RNLS: variants seen among roughly 807,000 people sequenced by gnomAD.
RNLS encodes the protein renalase.
Under a neutral mutation model 39.8 loss-of-function variants are expected in RNLS, and 39 were observed. That is an observed-to-expected ratio of 0.98 (90% CI 0.76 to 1.28). RNLS has a LOEUF of 1.28. RNLS is among the 50% of genes most tolerant of loss of function. RNLS has a pLI of 0.00. For missense variants in RNLS, 410 were observed against 413.3 expected (o/e 0.99, Z 0.07); for synonymous variants, 147 against 150.7 (o/e 0.98, Z 0.18).
At chr10:88,446,092 A>G (rs529124322) in intron 4 of RNLS, among the ~76,000 whole-genome samples, 1 of 152,298 alleles carries the variant, frequency 6.6e-6, no homozygotes, top group African/African-American at 2.4e-5. Context: ...GATGTAAAAG[A>G]ACAGAAATTA....
the RNLS span, among the ~76,000 whole-genome samples, chr10:88,172,125 C>T: frequency 6.6e-6 from 1 of 152,126 alleles, no homozygotes; most frequent in African/African-American, 2.4e-5. Flanking sequence ...AATAATACTG[C>T]AATAAACATG....
At chr10:88,467,968 A>G (rs1482289265) in intron 4 of RNLS, among the ~76,000 whole-genome samples, 1 of 152,208 alleles carries the variant, frequency 6.6e-6, no homozygotes, top group Non-Finnish European at 1.5e-5. Context: ...CAGCCATTCC[A>G]AACAATTTCC....
the RNLS span, among the ~76,000 whole-genome samples, chr10:88,232,492 G>T: frequency 1.3e-5 from 2 of 151,890 alleles, no homozygotes; most frequent in African/African-American, 4.8e-5. Context: ...TGCTTCCCAG[G>T]CTGAACTCCA....
At chr10:88,287,763 T>TA (rs2132635202) in intron 6 of RNLS, among the ~76,000 whole-genome samples, 1 of 152,096 alleles carries the variant, frequency 6.6e-6, no homozygotes, top group East Asian at 1.9e-4. Flanking sequence ...GTCAAACACT[T>TA]ACAAAACCAT....
chr10:88,307,384 C>T (rs998672671), intron 6 of RNLS, among the ~76,000 whole-genome samples: 1 of 152,162 alleles, frequency 6.6e-6, no homozygotes, highest in Non-Finnish European at 1.5e-5. Context: ...AGTTGAACTA[C>T]CCTGTTTGTA....
chr10:88,178,806 G>C, the RNLS span, among the ~76,000 whole-genome samples: 1 of 152,204 alleles, frequency 6.6e-6, no homozygotes, highest in Admixed American at 6.5e-5. Context: ...TTCCACTGGA[G>C]ATCTTATCAG....
intron 4 of RNLS, among the ~76,000 whole-genome samples, chr10:88,460,175 GC>G: frequency 6.6e-6 from 1 of 152,254 alleles, no homozygotes; most frequent in East Asian, 1.9e-4. Context: ...CTGTGGCCAT[GC>G]AAGATGCTAG....
intron 4 of RNLS, among the ~76,000 whole-genome samples, chr10:88,368,780 C>T (rs1850315971): frequency 6.6e-6 from 1 of 151,806 alleles, no homozygotes; most frequent in South Asian, 2.1e-4. Context: ...AGATTTTTAT[C>T]TATGTTTCTA....
rs143889541 is a variant in RNLS, at chr10:88,294,936, T to G, written c.877-9430A>C. Among the ~76,000 whole-genome samples, 733 of 151,366 alleles carry G rather than the reference T, an allele frequency of 4.8e-3. 7 individuals are homozygous for G. The highest frequency in any genetic ancestry group is 8.6e-3 in the Non-Finnish European group (580 of 67,756). Reference sequence around the variant, plus strand: ...AAATTTTGCTTTTCCGCCCCCACCCTCCAAATAACCATGCTATTAACCACC... The same window carrying G: ...AAATTTTGCTTTTCCGCCCCCACCCGCCAAATAACCATGCTATTAACCACC... On this transcript the variant is annotated intron_variant, in intron 6 of 6. Coordinates refer to ENST00000331772, the MANE Select transcript of RNLS (RefSeq NM_001031709.3).
At chr10:88,330,153 C>T (rs567201383) in intron 5 of RNLS, among the ~76,000 whole-genome samples, 1 of 148,538 alleles carries the variant, frequency 6.7e-6, no homozygotes, top group South Asian at 2.1e-4. Context: ...TATTATCTCT[C>T]TCTATATATA....
At chr10:88,231,942 C>CTGTGTGTGTGTG in the RNLS span, among the ~76,000 whole-genome samples, 1,037 of 149,756 alleles carry the variant, frequency 6.9e-3, 9 homozygotes, top group African/African-American at 0.018. Context: ...CACAGGATTT[C>CTGTGTGTGTGTG]TGTGTGTGTG....
intron 6 of RNLS, among the ~76,000 whole-genome samples, chr10:88,297,909 C>G (rs1388163763): frequency 6.6e-6 from 1 of 152,178 alleles, no homozygotes; most frequent in Non-Finnish European, 1.5e-5. Context: ...AACCACCAAG[C>G]TGTTTTCCAC....
Position 88,362,798 on chromosome 10 carries a change from T to A in RNLS, c.527-73A>T, listed in dbSNP as rs3740280. The A allele has an allele frequency of 4.2e-6, 6 of 1,445,112 alleles. No homozygotes were observed. The Admixed American group carries it at 8.6e-5, about 21-fold the overall frequency. The allele number at this position is 1,445,112 out of a possible 1,614,324, so 89.5% of individuals were successfully genotyped here. On this transcript the variant is annotated intron_variant, in intron 4 of 6. Coordinates refer to ENST00000331772, the MANE Select transcript of RNLS (RefSeq NM_001031709.3). ...CCTTTTAGCACATCAAATATAAAATTCCTTTAAACCAGTTACAACAGCTTC... is the reference window on the plus strand; with the variant it reads ...CCTTTTAGCACATCAAATATAAAATACCTTTAAACCAGTTACAACAGCTTC...
Position 88,285,519 on chromosome 10 carries a change from AAAG to A in RNLS, c.877-16_877-14del. On this transcript the variant is annotated splice_polypyrimidine_tract_variant and intron_variant, in intron 6 of 6. Transcript: ENST00000331772. ...CAGCATTTGTAACCTGAAAAAGTAA[AAAG>A]AGGATTGCAATTGACATTCTGTGCT... 1 of 1,611,064 alleles carries A rather than the reference AAAG, an allele frequency of 6.2e-7. No individual in the cohort carries two copies.
At chr10:88,239,349 G>A in the RNLS span, among the ~76,000 whole-genome samples, 26 of 152,126 alleles carry the variant, frequency 1.7e-4, no homozygotes, top group Admixed American at 1.6e-3. Flanking sequence ...ACTGCTCCTG[G>A]CAGCAGGTTC....
rs1847816132 is a variant in RNLS, at chr10:88,537,403, A to G, written c.526+35500T>C. 2.0e-5 allele frequency among the ~76,000 whole-genome samples: 3 copies of G among 152,218 alleles called. No homozygotes were observed. The South Asian group carries it at 6.2e-4, about 31-fold the overall frequency. On this transcript the variant is annotated intron_variant, in intron 4 of 6. Transcript: ENST00000331772. ...AATTGTTCAACATGAGAAATGTACA[A>G]GAATGTTCACAGGAGCGCTATTTAT...
At chr10:88,308,134 G>C (rs1035110809) in intron 6 of RNLS, among the ~76,000 whole-genome samples, 2 of 152,160 alleles carry the variant, frequency 1.3e-5, no homozygotes, top group Admixed American at 6.5e-5. Flanking sequence ...AACTCAAAAT[G>C]AATTAAGGAC....
rs142370996 is a variant in RNLS at position 88,399,639 on chromosome 10, A to G, written c.527-36914T>C. On this transcript the variant is annotated intron_variant, in intron 4 of 6. Coordinates refer to ENST00000331772, the MANE Select transcript of RNLS (RefSeq NM_001031709.3). ...AGGTGGGAATGGAGAGTAACTACCA[A>G]TGGGCATGGAGTTTCTTTTTGACGT... 4.8e-3 allele frequency among the ~76,000 whole-genome samples: 728 copies of G among 152,188 alleles called. 5 individuals carry two copies. The highest frequency in any genetic ancestry group is 0.017 in the African/African-American group (688 of 41,570).
intron 6 of RNLS, among the ~76,000 whole-genome samples, chr10:88,299,809 T>C (rs762062434): frequency 2.0e-5 from 3 of 152,230 alleles, no homozygotes; most frequent in Non-Finnish European, 4.4e-5. Flanking sequence ...TATTTTGTTG[T>C]TCACTAGTTC....
Sources: allele counts gnomAD v4.1 joint callset (sites outside exome capture counted in the v4.1 genomes callset), GRCh38; gene constraint gnomAD v4.1.1; transcripts MANE v1.5; gene names NCBI Gene and HGNC (gene_info 2026-07-23, HGNC 2026-07-21).